The following RASSF3 variants were observed in gnomAD, a reference collection of about 807,000 sequenced individuals.
The protein encoded by RASSF3 is Ras association domain family member 3.
A neutral mutation model predicts 19.9 loss-of-function variants in RASSF3; 19 were observed. That is an observed-to-expected ratio of 0.96 (90% CI 0.67 to 1.40). The LOEUF is 1.40. RASSF3 is among the 40% of genes most tolerant of loss of function. The probability of loss-of-function intolerance (pLI) is 0.00; values close to 1 mark genes in which losing one functional copy is unlikely to be tolerated. For missense variants in RASSF3, 306 were observed against 289.8 expected (o/e 1.06, Z -0.41); for synonymous variants, 110 against 104.2 (o/e 1.06, Z -0.34).
downstream of RASSF3, among the ~76,000 whole-genome samples, chr12:64,542,568 G>C (rs1047574518): frequency 6.6e-6 from 1 of 152,160 alleles, no homozygotes; most frequent in Non-Finnish European, 1.5e-5. Flanking sequence ...CCCCTCTCCT[G>C]ACACATCAAG....
intron 1 of RASSF3, among the ~76,000 whole-genome samples, chr12:64,651,722 G>T (rs1871962593): frequency 6.6e-6 from 1 of 152,056 alleles, no homozygotes; most frequent in Non-Finnish European, 1.5e-5. Flanking sequence ...GAGTGCAGGG[G>T]TGCAGTCACA....
intron 1 of RASSF3, among the ~76,000 whole-genome samples, chr12:64,642,559 CAAAAAAAAAAAAAAA>C (rs67771603): frequency 4.5e-5 from 2 of 43,992 alleles, no homozygotes; most frequent in Non-Finnish European, 8.2e-5. Context: ...GACTCCATCT[CAAAAAAAAAAAAAAA>C]AAAAAAAAAA....
intron 2 of RASSF3, among the ~76,000 whole-genome samples, chr12:64,588,151 A>G (rs1167492618): frequency 6.6e-6 from 1 of 152,070 alleles, no homozygotes; most frequent in African/African-American, 2.4e-5. Context: ...ATCTCAGCTC[A>G]TTGCAATCTC....
intron 2 of RASSF3, among the ~76,000 whole-genome samples, chr12:64,551,633 G>T (rs1001516434): frequency 4.6e-5 from 7 of 152,164 alleles, no homozygotes; most frequent in African/African-American, 1.4e-4. Flanking sequence ...TTGCTGTGGA[G>T]ATTTAATTAG....
At chr12:64,690,383 T>C (rs1868264602) in intron 3 of RASSF3, among the ~76,000 whole-genome samples, 1 of 151,564 alleles carries the variant, frequency 6.6e-6, no homozygotes, top group Non-Finnish European at 1.5e-5. Flanking sequence ...AGTTTCACCA[T>C]GTTGGTGGCC....
intron 2 of RASSF3, among the ~76,000 whole-genome samples, chr12:64,592,008 C>A (rs1869934040): frequency 6.6e-6 from 1 of 151,758 alleles, no homozygotes; most frequent in East Asian, 1.9e-4. Context: ...CCCACGAGAT[C>A]CTCCCACCTC....
At chr12:64,648,099 A>G in intron 1 of RASSF3, among the ~76,000 whole-genome samples, 1 of 152,192 alleles carries the variant, frequency 6.6e-6, no homozygotes, top group East Asian at 1.9e-4. Context: ...TGTGAACACT[A>G]GGAGTTGGGC....
chr12:64,671,696 G>A (rs945932527), intron 1 of RASSF3, among the ~76,000 whole-genome samples: 1 of 152,230 alleles, frequency 6.6e-6, no homozygotes, highest in African/African-American at 2.4e-5. Flanking sequence ...CCAAAACCTA[G>A]AGCTGCACTT....
intron 1 of RASSF3, among the ~76,000 whole-genome samples, chr12:64,633,242 C>T (rs1381696986): frequency 1.3e-5 from 2 of 152,158 alleles, no homozygotes; most frequent in African/African-American, 4.8e-5. Context: ...GGTTTTGACA[C>T]CAGTGGATAC....
chr12:64,549,312 A>G (rs753413731), intron 2 of RASSF3, among the ~76,000 whole-genome samples: 1 of 152,208 alleles, frequency 6.6e-6, no homozygotes, highest in Non-Finnish European at 1.5e-5. Flanking sequence ...CTGCCTGGAC[A>G]ACATAGTGAG....
chr12:64,546,922 CA>C (rs201918606), intron 2 of RASSF3, among the ~76,000 whole-genome samples: 3,430 of 152,218 alleles, frequency 0.023, 135 homozygotes, highest in African/African-American at 0.078. Context: ...CCAAGAACCA[CA>C]AAAACCATTC....
intron 2 of RASSF3, among the ~76,000 whole-genome samples, chr12:64,564,337 G>A (rs912310911): frequency 2.6e-5 from 4 of 151,814 alleles, no homozygotes; most frequent in Non-Finnish European, 5.9e-5. Context: ...TTCTTTGTTA[G>A]CCCCCTAAAT....
chr12:64,524,052 C>CT (rs35141966), intron 1 of RASSF3, among the ~76,000 whole-genome samples: 36,634 of 120,056 alleles, frequency 0.31, 5,902 homozygotes, highest in Middle Eastern at 0.45. Flanking sequence ...TGTACTTGCT[C>CT]TTTTTTTTTT....
At chr12:64,681,552 T>G (rs1244869) in intron 1 of RASSF3, among the ~76,000 whole-genome samples, 46,432 of 152,120 alleles carry the variant, frequency 0.31, 7,438 homozygotes, top group Non-Finnish European at 0.36. Flanking sequence ...CATGAGATTT[T>G]AAGTCCCTTA....
At chr12:64,595,687 T>C (rs1869989330) in intron 2 of RASSF3, among the ~76,000 whole-genome samples, 1 of 152,210 alleles carries the variant, frequency 6.6e-6, no homozygotes, top group Non-Finnish European at 1.5e-5. Context: ...CACAGGAACC[T>C]TGCAAGCTTA....
At chr12:64,657,167 A>G (rs955988916) in intron 1 of RASSF3, among the ~76,000 whole-genome samples, 4 of 152,028 alleles carry the variant, frequency 2.6e-5, no homozygotes, top group African/African-American at 9.7e-5. Flanking sequence ...CCACGCCACC[A>G]CGTCTGGCTA....
At chr12:64,669,052 C>T (rs947932199) in intron 1 of RASSF3, among the ~76,000 whole-genome samples, 1 of 152,120 alleles carries the variant, frequency 6.6e-6, no homozygotes, top group African/African-American at 2.4e-5. Context: ...ATTACACAAA[C>T]CCTAGAAAAA....
chr12:64,582,123 G>A (rs1266591413), intron 2 of RASSF3, among the ~76,000 whole-genome samples: 1 of 152,158 alleles, frequency 6.6e-6, no homozygotes, highest in Non-Finnish European at 1.5e-5. Context: ...AAAGTGCTGG[G>A]ATTACAGGAG....
At chr12:64,579,111 G>C (rs577975207) in intron 2 of RASSF3, among the ~76,000 whole-genome samples, 10 of 149,910 alleles carry the variant, frequency 6.7e-5, no homozygotes, top group Admixed American at 1.3e-4. Context: ...TGGGCAACAA[G>C]AGCAAAACTC....
Sources: allele counts gnomAD v4.1 joint callset (sites outside exome capture counted in the v4.1 genomes callset), GRCh38; gene constraint gnomAD v4.1.1; transcripts MANE v1.5; gene names NCBI Gene and HGNC (gene_info 2026-07-23, HGNC 2026-07-21).